The following AP4S1 variants were observed in gnomAD, a reference collection of about 807,000 sequenced individuals.
AP4S1 encodes adaptor related protein complex 4 subunit sigma 1, also known as AP-4 complex subunit sigma-1.
Under a neutral mutation model 19.8 loss-of-function variants are expected in AP4S1, and 23 were observed. The observed-to-expected ratio is 1.16, with a 90% CI of 0.84 to 1.65. AP4S1 has a LOEUF of 1.65. AP4S1 is among the 40% of genes most tolerant of loss of function. The pLI is 0.00. For missense variants in AP4S1, 166 were observed against 172.8 expected (o/e 0.96, Z 0.22); for synonymous variants, 46 against 54.1 (o/e 0.85, Z 0.66).
rs923645705 is a variant in AP4S1, at chr14:31,044,508, AT to A, written c.-72+18731del. Among the ~76,000 whole-genome samples, 614 of 149,740 alleles carry A rather than the reference AT, an allele frequency of 4.1e-3. 6 individuals carry two copies. The highest frequency in any genetic ancestry group is 0.015 in the African/African-American group (597 of 40,766). On this transcript the variant is annotated intron_variant, in intron 1 of 5. Transcript: ENST00000542754. Reference sequence around the variant, plus strand: ...AGGCACATGCCACCATGCCAGGCTAATTTTTTTTTTCTTTTTTTTAATAGAG... The same window carrying A: ...AGGCACATGCCACCATGCCAGGCTAATTTTTTTTTCTTTTTTTTAATAGAG...
At chr14:31,043,225 G>GAAA (rs544165672) in intron 1 of AP4S1, among the ~76,000 whole-genome samples, 42 of 131,768 alleles carry the variant, frequency 3.2e-4, no homozygotes, top group South Asian at 4.7e-4. Context: ...TTTCAAAAAA[G>GAAA]AAAAAAAAAA....
intron 1 of AP4S1, among the ~76,000 whole-genome samples, chr14:31,041,627 G>C (rs915364187): frequency 6.6e-6 from 1 of 152,058 alleles, no homozygotes; most frequent in South Asian, 2.1e-4. Context: ...ACAATCTCTG[G>C]TCCCCACTGC....
chr14:31,073,351 G>C lies in AP4S1; in HGVS notation c.294+378G>C, dbSNP rs527659729. Among the ~76,000 whole-genome samples, 8 of 135,746 alleles carry C rather than the reference G, an allele frequency of 5.9e-5. No homozygotes were observed. The South Asian group carries it at 1.2e-3, about 20-fold the overall frequency. The allele number at this position is 135,746 out of a possible 152,430, so 89.1% of individuals were successfully genotyped here. On this transcript the variant is annotated intron_variant, in intron 4 of 5. Transcript: ENST00000542754. The stretch of plus-strand genomic sequence containing the variant: ...TAAAAATACAAAAAATTAGCTGGGC[G>C]TGGTGGTGGGCGCCTGTAGTCCCAG...
intron 4 of AP4S1, among the ~76,000 whole-genome samples, chr14:31,078,581 A>G (rs1413659711): frequency 6.6e-6 from 1 of 152,186 alleles, no homozygotes; most frequent in African/African-American, 2.4e-5. Context: ...TTCCCAAAAT[A>G]ATAATGTTCT....
At chr14:31,044,436 G>C (rs1401761681) in intron 1 of AP4S1, among the ~76,000 whole-genome samples, 1 of 152,040 alleles carries the variant, frequency 6.6e-6, no homozygotes, top group Non-Finnish European at 1.5e-5. Context: ...CAGTCTCCTG[G>C]GCTGAAGCCA....
chr14:31,091,703 ATACAGTG>A (rs1440168437), intron 5 of AP4S1, among the ~76,000 whole-genome samples: 9 of 152,286 alleles, frequency 5.9e-5, no homozygotes, highest in African/African-American at 1.7e-4. Context: ...CACTAAGCAA[ATACAGTG>A]TAGACTTTGA....
chr14:31,059,991 ATATT>A (rs1478152058), intron 1 of AP4S1, among the ~76,000 whole-genome samples: 9 of 71,806 alleles, frequency 1.3e-4, no homozygotes, highest in East Asian at 4.9e-4. Context: ...ATATGTATAT[ATATT>A]TATATGTATT....
In AP4S1 at chr14:31,085,776, A is replaced by C. The variant is rs966401508; in HGVS notation, c.306+5192A>C. 4.2e-6 allele frequency: 4 copies of C among 963,396 alleles called. No homozygotes were observed. The East Asian group carries it at 3.4e-4, about 83-fold the overall frequency. The allele number at this position is 963,396 out of a possible 1,614,324, so 59.7% of individuals were successfully genotyped here. On this transcript the variant is annotated intron_variant, in intron 5 of 5. Coordinates refer to ENST00000542754, the MANE Select transcript of AP4S1 (RefSeq NM_001128126.3). ...AACAGAGCGAGACCTTGTCTTTAAAAATAAAAATAAAAACATCTTTACAAC... is the reference window on the plus strand; with the variant it reads ...AACAGAGCGAGACCTTGTCTTTAAACATAAAAATAAAAACATCTTTACAAC...
chr14:31,085,627 C>G (rs1444650155), intron 5 of AP4S1: 4 of 761,986 alleles, frequency 5.2e-6, no homozygotes, highest in Non-Finnish European at 6.4e-6. Flanking sequence ...ATTTAAAAAG[C>G]CAGGCATTGG....
chr14:31,049,466 T>C (rs1172355535), intron 1 of AP4S1, among the ~76,000 whole-genome samples: 12,946 of 48,634 alleles, frequency 0.27, 1,789 homozygotes, highest in Non-Finnish European at 0.32. Flanking sequence ...TATATATGTA[T>C]ATATATGTAC....
In AP4S1 at chr14:31,075,088, A is replaced by G. The variant is rs201528051; in HGVS notation, c.294+2115A>G. Among the ~76,000 whole-genome samples the G allele has an allele frequency of 4.6e-5, 7 of 152,282 alleles. No individual in the cohort carries two copies. In the East Asian group the frequency reaches 1.2e-3, roughly 25 times the overall value. On this transcript the variant is annotated intron_variant, in intron 4 of 5. Transcript: ENST00000542754. ...AATATACAATAGATTATTATTAACC[A>G]TAGTCACCCTACTGATTTATCAAAC...
At position 31,044,260 on chromosome 14, in the gene AP4S1, G is replaced by A. The variant is rs117794535; in HGVS notation, c.-72+18473G>A. 2.4e-4 allele frequency among the ~76,000 whole-genome samples: 37 copies of A among 152,230 alleles called. No individual in the cohort carries two copies. In the East Asian group the frequency reaches 6.8e-3, roughly 28 times the overall value. ...TTCCTTTTCTACTTATTATGTCATAGTAGTGCTGGACTTTCCAGAGACAGG... is the reference window on the plus strand; with the variant it reads ...TTCCTTTTCTACTTATTATGTCATAATAGTGCTGGACTTTCCAGAGACAGG... On this transcript the variant is annotated intron_variant, in intron 1 of 5. Transcript: ENST00000542754.
chr14:31,033,123 A>G (rs1207964589), intron 1 of AP4S1: 1 of 152,196 alleles, frequency 6.6e-6, no homozygotes, highest in Non-Finnish European at 1.5e-5. Flanking sequence ...TGGGTTCATT[A>G]TTACTGTCTC....
intron 1 of AP4S1, among the ~76,000 whole-genome samples, chr14:31,040,165 T>C (rs534247868): frequency 2.1e-3 from 323 of 151,056 alleles, no homozygotes; most frequent in African/African-American, 7.3e-3. Context: ...TTTTTTTTTT[T>C]TCCTGAGACA....
rs1395941494 is a variant in AP4S1, at chr14:31,094,292, C to G, written c.*1257C>G. Reference sequence around the variant, plus strand: ...GTACTACAACCTTGAACCTTCCTGGCCTGGCTCTAAAAGCTTTGTAATGTG... The same window carrying G: ...GTACTACAACCTTGAACCTTCCTGGGCTGGCTCTAAAAGCTTTGTAATGTG... On this transcript the variant is annotated 3_prime_UTR_variant, in exon 6 of 6. Coordinates refer to ENST00000542754, the MANE Select transcript of AP4S1 (RefSeq NM_001128126.3). The G allele has an allele frequency of 6.6e-6, 1 of 152,582 alleles. No homozygotes were observed. The highest frequency in any genetic ancestry group is 2.4e-5 in the African/African-American group (1 of 41,444). 9.5% of individuals were successfully genotyped at this position (152,582 alleles called of 1,614,324 possible).
At chr14:31,079,464 C>T (rs1887525026) in intron 4 of AP4S1, among the ~76,000 whole-genome samples, 1 of 152,050 alleles carries the variant, frequency 6.6e-6, no homozygotes, top group South Asian at 2.1e-4. Context: ...GGAGGCTGCA[C>T]ATTCGGAGGG....
At chr14:31,078,557 A>G (rs1393060221) in intron 4 of AP4S1, among the ~76,000 whole-genome samples, 2 of 152,182 alleles carry the variant, frequency 1.3e-5, no homozygotes, top group Non-Finnish European at 2.9e-5. Flanking sequence ...GACACCCACC[A>G]AGAAGAATAT....
In AP4S1 at chr14:31,048,294, G is replaced by T. The variant is rs571984465; in HGVS notation, c.-71-17832G>T. ...ATTTTGTATTTTTAGTAGAAACGGG[G>T]TCCCACCCTGTTGGCCAGGCTGGTC... On this transcript the variant is annotated intron_variant, in intron 1 of 5. Coordinates refer to ENST00000542754, the MANE Select transcript of AP4S1 (RefSeq NM_001128126.3). Among the ~76,000 whole-genome samples, 4 of 151,706 alleles carry T rather than the reference G, an allele frequency of 2.6e-5. No individual in the cohort carries two copies. In the South Asian group the frequency reaches 8.4e-4, roughly 32 times the overall value.
At chr14:31,084,680 C>T (rs1397125083) in intron 5 of AP4S1, 10 of 1,587,338 alleles carry the variant, frequency 6.3e-6, no homozygotes, top group Non-Finnish European at 8.6e-6. Context: ...TTTGTGAAGC[C>T]TGTTTCTACA....
Sources: gnomAD v4.1 joint callset for allele counts (sites outside exome capture counted in the v4.1 genomes callset) on GRCh38, gnomAD v4.1.1 for gene constraint, MANE v1.5 for transcripts, NCBI Gene and HGNC (gene_info 2026-07-23, HGNC 2026-07-21) for gene names.